Variants in OR4M1 observed in about 807,000 individuals in gnomAD.
The protein encoded by OR4M1 is olfactory receptor 4M1.
In OR4M1, 7 loss-of-function variants were observed where a neutral mutation model predicts 9.8. The ratio of observed to expected loss-of-function variants is 0.71; its 90% CI spans 0.41 to 1.34. The LOEUF (loss-of-function observed/expected upper bound fraction) is 1.34, where lower values mean the gene tolerates loss of function less well. Among genes scored for constraint, OR4M1 ranks in the 40% most tolerant of loss-of-function variants. The probability of loss-of-function intolerance (pLI) is 0.01; values close to 1 mark genes in which losing one functional copy is unlikely to be tolerated. For synonymous variants in OR4M1, 121 were observed against 139.8 expected, an observed-to-expected ratio of 0.87 and a Z score of 0.95; for missense variants, 331 against 380.4, an observed-to-expected ratio of 0.87 and a Z score of 1.08.
intron 1 of OR4M1, among the ~76,000 whole-genome samples, chr14:19,774,918 C>A (rs1385260995): frequency 3.3e-5 from 5 of 152,166 alleles, no homozygotes; most frequent in Non-Finnish European, 5.9e-5. Context: ...AAAATGAAAC[C>A]CTTAGCTCCC....
At chr14:19,778,052 G>A (rs1254011347) in intron 1 of OR4M1, among the ~76,000 whole-genome samples, 1 of 152,180 alleles carries the variant, frequency 6.6e-6, no homozygotes, top group African/African-American at 2.4e-5. Flanking sequence ...AAGTGTGGAG[G>A]GATGAATCCT....
At chr14:19,775,837 A>T (rs1878295741) in intron 1 of OR4M1, among the ~76,000 whole-genome samples, 1 of 148,530 alleles carries the variant, frequency 6.7e-6, no homozygotes. Context: ...ATTAAAAGAG[A>T]AATAAGCAGC....
chr14:19,775,044 C>T (rs1284990536), intron 1 of OR4M1, among the ~76,000 whole-genome samples: 3 of 152,244 alleles, frequency 2.0e-5, no homozygotes, highest in East Asian at 1.9e-4. Flanking sequence ...TCCCCGCCCT[C>T]GCTTAACTGC....
rs1878451979 is a variant in OR4M1, at chr14:19,780,620, C to T, written c.298C>T (p.Gln100Ter). The T allele has an allele frequency of 1.2e-6, 2 of 1,614,218 alleles. No homozygotes were observed. Among genetic ancestry groups the T allele is most frequent in the Admixed American group, 3.3e-5 (2 of 60,020 alleles). ...AATTTCCTTTGGTGGATGCATTGCA[C>T]AGCTCTTCTTCTTACACTTTGTTGG... is the stretch of plus-strand genomic sequence containing the variant. ...KIISFGGCIA[Q>*]LFFLHFVGAS... The change falls in exon 2 of 2, where the codon CAG becomes TAG. Residue 100 changes from glutamine (Q) to a stop codon, truncating the protein, a stop_gained. Transcript: ENST00000641200. LOFTEE classifies it high-confidence loss of function.
intron 1 of OR4M1, among the ~76,000 whole-genome samples, chr14:19,779,671 T>A (rs1215657581): frequency 6.6e-6 from 1 of 152,230 alleles, no homozygotes; most frequent in Admixed American, 6.5e-5. Flanking sequence ...TGGTCACAGC[T>A]AGAAGAATTT....
At position 19,774,095 on chromosome 14, in the gene OR4M1, A is replaced by G. The variant is rs143349685; in HGVS notation, c.-30+502A>G. Among the ~76,000 whole-genome samples the G allele has an allele frequency of 3.8e-3, 586 of 152,294 alleles. 3 individuals are homozygous for G. The highest frequency in any genetic ancestry group is 0.017 in the Middle Eastern group (5 of 292). ...GGATGGGAAAGGTGAGGCTTGAAAT[A>G]TTTCATTTCAAAGGGATTAGTGTTA... On this transcript the variant is annotated intron_variant, in intron 1 of 1. Transcript: ENST00000641200.
At position 19,782,518 on chromosome 14, in the gene OR4M1, A is replaced by G. The variant is rs770537058; in HGVS notation, c.*1254A>G. ...ATCCTTGTCAACATTAGGAATGAATATATAAAAATAAATCGTATAACTATT... is the reference window on the plus strand; with the variant it reads ...ATCCTTGTCAACATTAGGAATGAATGTATAAAAATAAATCGTATAACTATT... On this transcript the variant is annotated 3_prime_UTR_variant, in exon 2 of 2. Transcript: ENST00000641200. 17 of 152,252 alleles carry G rather than the reference A, an allele frequency of 1.1e-4. No individual in the cohort carries two copies. The highest frequency in any genetic ancestry group is 2.4e-4 in the Non-Finnish European group (16 of 68,036). The allele number at this position is 152,252 out of a possible 1,614,324, so 9.4% of individuals were successfully genotyped here.
chr14:19,775,596 TATA>T (rs1878287759), intron 1 of OR4M1, among the ~76,000 whole-genome samples: 1 of 147,224 alleles, frequency 6.8e-6, no homozygotes, highest in African/African-American at 2.5e-5. Flanking sequence ...AATATATAAT[TATA>T]ATATATAAGT....
chr14:19,777,072 T>C (rs1056309438), intron 1 of OR4M1, among the ~76,000 whole-genome samples: 1 of 143,438 alleles, frequency 7.0e-6, no homozygotes, highest in African/African-American at 2.6e-5. Flanking sequence ...TTTCCTGTAA[T>C]GTTGTCTTAC....
rs780204084 is a variant in OR4M1 at position 19,781,033 on chromosome 14, G to T, written c.711G>T (p.Arg237Ser). The change falls in exon 2 of 2, where the codon AGG (arginine) becomes AGT (serine). Residue 237 changes from arginine (R) to serine (S), a missense_variant. Around this residue, in one of 2 missense-constraint regions of OR4M1, gnomAD observed 122 missense variants for 180.5 expected, o/e 0.68. Coordinates refer to ENST00000641200, the MANE Select transcript of OR4M1 (RefSeq NM_001005500.2). ...KHSGSGENTN[R>S]AMSTCYSHIT... ...CAGGCTCAGGTGAGAATACCAACAG[G>T]GCCATGTCCACCTGCTATTCCCACA... The T allele has an allele frequency of 2.7e-5, 43 of 1,614,148 alleles. No individual in the cohort carries two copies. The highest frequency in any genetic ancestry group is 3.6e-5 in the Non-Finnish European group (42 of 1,180,012).
At position 19,780,910 on chromosome 14, in the gene OR4M1, G is replaced by A; in HGVS notation, c.588G>A (p.Glu196=). Residue 196 remains glutamate (E), a synonymous_variant, in exon 2 of 2, where the codon GAG becomes GAA. Coordinates refer to ENST00000641200, the MANE Select transcript of OR4M1 (RefSeq NM_001005500.2). ...CCTGTGCCAACACCTTCCCAGAGGA[G>A]TTAGTGATGATCTGTAGTAGTGGTC... is the stretch of plus-strand genomic sequence containing the variant. ...RIACANTFPE[E]LVMICSSGLI... 1 of 1,614,218 alleles carries A rather than the reference G, an allele frequency of 6.2e-7. No homozygotes were observed. Among genetic ancestry groups the A allele is most frequent in the Non-Finnish European group, 8.5e-7 (1 of 1,180,036 alleles).
In OR4M1 at chr14:19,780,831, G is replaced by T; in HGVS notation, c.509G>T (p.Gly170Val). 6.2e-7 allele frequency: 1 copy of T among 1,614,164 alleles called. No individual in the cohort carries two copies. The highest frequency in any genetic ancestry group is 1.1e-5 in the South Asian group (1 of 91,082). ...VALIVRLPFC[G>V]PNELDSYFCD... ...CTCATTGTTCGACTTCCTTTCTGTG[G>T]GCCCAATGAGTTAGACAGTTACTTC... Residue 170 changes from glycine to valine, a missense_variant, in exon 2 of 2, where the codon GGG becomes GTG. Physicochemically the swap from Gly to Val is moderately radical, Grantham distance 109. Coordinates refer to ENST00000641200, the MANE Select transcript of OR4M1 (RefSeq NM_001005500.2).
rs1287400926 is a variant in OR4M1 at position 19,783,313 on chromosome 14, C to T, written c.*2049C>T. The stretch of plus-strand genomic sequence containing the variant: ...AGTGCCCAGAGACATTTGTGGTGGT[C>T]ACAACTGAGGACGTATATTGGCATC... On this transcript the variant is annotated 3_prime_UTR_variant, in exon 2 of 2. Transcript: ENST00000641200. The T allele has an allele frequency of 2.0e-5, 3 of 152,476 alleles. No homozygotes were observed. Among genetic ancestry groups the T allele is most frequent in the African/African-American group, 4.8e-5 (2 of 41,470 alleles). The allele number at this position is 152,476 out of a possible 1,614,324, so 9.4% of individuals were successfully genotyped here. A position where few individuals can be genotyped will look rare whatever the true frequency, so the allele number is the denominator to read the frequency against.
intron 1 of OR4M1, among the ~76,000 whole-genome samples, chr14:19,777,525 T>C: frequency 6.6e-6 from 1 of 152,286 alleles, no homozygotes; most frequent in South Asian, 2.1e-4. Flanking sequence ...ATTTTATTTT[T>C]ATTTGCTTGT....
chr14:19,776,932 G>A (rs1878327163), intron 1 of OR4M1, among the ~76,000 whole-genome samples: 1 of 148,680 alleles, frequency 6.7e-6, no homozygotes, highest in Non-Finnish European at 1.5e-5. Flanking sequence ...GATAAATCCT[G>A]CCAGTTGCAT....
intron 1 of OR4M1, among the ~76,000 whole-genome samples, chr14:19,774,081 G>C (rs910590661): frequency 1.3e-5 from 2 of 152,212 alleles, no homozygotes; most frequent in African/African-American, 4.8e-5. Context: ...GATGGGAAAG[G>C]TGAGGCTTGA....
At chr14:19,775,808 A>T (rs1180823685) in intron 1 of OR4M1, among the ~76,000 whole-genome samples, 2 of 144,388 alleles carry the variant, frequency 1.4e-5, no homozygotes, top group South Asian at 2.1e-4. Flanking sequence ...AATATAATAT[A>T]ATAATAATAA....
Position 19,781,627 on chromosome 14 carries a change from T to A in OR4M1, c.*363T>A. On this transcript the variant is annotated 3_prime_UTR_variant, in exon 2 of 2. Coordinates refer to ENST00000641200, the MANE Select transcript of OR4M1 (RefSeq NM_001005500.2). ...CATGGAGACGTGTCCATTACAAATA[T>A]GAAGTAAATGGCAAGCATATGGATG... The A allele has an allele frequency of 4.5e-6, 1 of 221,236 alleles. No individual in the cohort carries two copies. Among genetic ancestry groups the A allele is most frequent in the South Asian group, 9.5e-5 (1 of 10,480 alleles). The allele number at this position is 221,236 out of a possible 1,614,324, so 13.7% of individuals were successfully genotyped here.
intron 1 of OR4M1, among the ~76,000 whole-genome samples, chr14:19,776,847 A>G (rs1266450367): frequency 6.6e-6 from 1 of 151,874 alleles, no homozygotes; most frequent in Non-Finnish European, 1.5e-5. Flanking sequence ...GGAAAACAAT[A>G]TTTTTAAATT....
Sources: allele counts gnomAD v4.1 joint callset (sites outside exome capture counted in the v4.1 genomes callset), GRCh38; gene constraint gnomAD v4.1.1; regional missense constraint gnomAD v4.1.1; transcripts MANE v1.5; gene names NCBI Gene and HGNC (gene_info 2026-07-23, HGNC 2026-07-21).